Variants in RAP1GAP2 observed in about 807,000 individuals in gnomAD.
RAP1GAP2 encodes the protein RAP1 GTPase activating protein 2, also known as rap1 GTPase-activating protein 2.
Under a neutral mutation model 95.0 loss-of-function variants are expected in RAP1GAP2, and 27 were observed. The ratio of observed to expected loss-of-function variants is 0.28; its 90% confidence interval spans 0.21 to 0.39. The LOEUF is 0.39. Ranked by LOEUF, RAP1GAP2 falls within the 10% of genes least tolerant of loss-of-function variation. The probability of loss-of-function intolerance (pLI) is 1.00; values close to 1 mark genes in which losing one functional copy is unlikely to be tolerated. For synonymous variants in RAP1GAP2, 373 were observed against 380.9 expected (o/e 0.98, Z 0.24); for missense variants, 771 against 970.0 (o/e 0.79, Z 2.72).
chr17:2,827,087 TG>T lies in RAP1GAP2; in HGVS notation c.80+26542del, dbSNP rs1355831530. On this transcript the variant is annotated intron_variant, in intron 2 of 24. Transcript: ENST00000254695. This position sits in a 1 kb window ranked among gnomAD's most constrained non-coding sequence, Gnocchi z 4.1. ...CCCATGGAAATGGGGGTTTCACATTTGGGGGATTTGCAAAGTAGTCACGTGG... is the reference window on the plus strand; with the variant it reads ...CCCATGGAAATGGGGGTTTCACATTTGGGGATTTGCAAAGTAGTCACGTGG... Among the ~76,000 whole-genome samples the T allele has an allele frequency of 3.9e-5, 6 of 152,006 alleles. No homozygotes were observed. Among genetic ancestry groups the T allele is most frequent in the Admixed American group, 3.9e-4 (6 of 15,252 alleles).
intron 22 of RAP1GAP2, among the ~76,000 whole-genome samples, chr17:3,028,315 C>T (rs2047191092): frequency 6.6e-6 from 1 of 151,892 alleles, no homozygotes; most frequent in South Asian, 2.1e-4. Context: ...CCATGGATGT[C>T]TGGCAATGTC....
Position 2,953,437 on chromosome 17 carries a change from G to A in RAP1GAP2, c.166-4322G>A, listed in dbSNP as rs111432851. ...TCCACCCCTCAACTTAATATATCTT[G>A]GAGAGTGTCATATGTAAGCAACATG... On this transcript the variant is annotated intron_variant, in intron 3 of 24. Transcript: ENST00000254695. Among the ~76,000 whole-genome samples the A allele has an allele frequency of 1.3e-3, 203 of 152,260 alleles. 2 individuals are homozygous for A. Among genetic ancestry groups the A allele is most frequent in the African/African-American group, 4.7e-3 (196 of 41,528 alleles).
chr17:3,015,771 C>T (rs950535343), intron 17 of RAP1GAP2, among the ~76,000 whole-genome samples: 9 of 151,852 alleles, frequency 5.9e-5, no homozygotes, highest in Non-Finnish European at 1.0e-4. Flanking sequence ...GAGCTGAGAT[C>T]GTGCCACACG....
At chr17:2,884,765 C>G (rs1469022487) in intron 2 of RAP1GAP2, among the ~76,000 whole-genome samples, 1 of 152,212 alleles carries the variant, frequency 6.6e-6, no homozygotes, top group Non-Finnish European at 1.5e-5. Flanking sequence ...TCAGCCGACT[C>G]ATCTATATAT....
At chr17:2,830,843 G>A (rs4790097) in intron 2 of RAP1GAP2, among the ~76,000 whole-genome samples, 121,000 of 151,352 alleles carry the variant, frequency 0.8, 48,749 homozygotes, top group African/African-American at 0.88. Context: ...ACTCCAATCC[G>A]CCCTGTCCCT....
chr17:3,014,134 CG>C (rs1177403187), intron 17 of RAP1GAP2, among the ~76,000 whole-genome samples: 1,708 of 23,924 alleles, frequency 0.071, 30 homozygotes, highest in African/African-American at 0.2. Context: ...GGCTATAGAG[CG>C]TGTGGCTGCC....
At chr17:2,756,835 G>A (rs1251162812) in intron 1 of RAP1GAP2, among the ~76,000 whole-genome samples, 2 of 152,166 alleles carry the variant, frequency 1.3e-5, no homozygotes, top group Non-Finnish European at 2.9e-5. Context: ...TGAGGAAGCC[G>A]AGGGTCAGAG....
intron 17 of RAP1GAP2, among the ~76,000 whole-genome samples, chr17:3,010,297 G>A (rs1468817416): frequency 6.2e-5 from 8 of 128,772 alleles, no homozygotes; most frequent in Admixed American, 1.9e-4. Flanking sequence ...CCGAGATCAC[G>A]CCACTGCACT....
chr17:2,975,312 C>T (rs965216128), intron 8 of RAP1GAP2, among the ~76,000 whole-genome samples: 1 of 152,034 alleles, frequency 6.6e-6, no homozygotes, highest in African/African-American at 2.4e-5. Context: ...TAGCCTATTA[C>T]AATACCAGCC....
At chr17:2,868,256 C>T (rs1289372614) in intron 2 of RAP1GAP2, among the ~76,000 whole-genome samples, 1 of 152,180 alleles carries the variant, frequency 6.6e-6, no homozygotes, top group East Asian at 1.9e-4. Context: ...TCTCTGCTAT[C>T]CATCCCCCTG....
intron 23 of RAP1GAP2, 22 bp from the exon 24 acceptor site, chr17:3,032,389 G>A (rs2047352269): frequency 6.2e-7 from 1 of 1,613,782 alleles, no homozygotes; most frequent in Non-Finnish European, 8.5e-7. Flanking sequence ...TTAAACTCCT[G>A]TATGGATTTT....
intron 2 of RAP1GAP2, among the ~76,000 whole-genome samples, chr17:2,891,959 G>T (rs1232787593): frequency 6.6e-6 from 1 of 151,252 alleles, no homozygotes; most frequent in Non-Finnish European, 1.5e-5. Context: ...AAGTAGCTGG[G>T]ACTACAGTCA....
chr17:2,821,541 A>T (rs944083519), intron 2 of RAP1GAP2, among the ~76,000 whole-genome samples: 1 of 145,540 alleles, frequency 6.9e-6, no homozygotes, highest in African/African-American at 2.5e-5. Flanking sequence ...TGCCTGGCTA[A>T]TTTTTTTTTT....
chr17:2,759,740 C>A (rs369702507), intron 1 of RAP1GAP2, among the ~76,000 whole-genome samples: 4 of 152,068 alleles, frequency 2.6e-5, no homozygotes, highest in African/African-American at 9.7e-5. Context: ...CATGAGCCAC[C>A]GCGCCCGGCC....
At chr17:2,760,904 G>A (rs1425248712) in intron 1 of RAP1GAP2, among the ~76,000 whole-genome samples, 1 of 152,026 alleles carries the variant, frequency 6.6e-6, no homozygotes, top group Non-Finnish European at 1.5e-5. Context: ...GGTATTATGA[G>A]TTTTGGGGAG....
chr17:2,979,982 C>G lies in RAP1GAP2; in HGVS notation c.597-305C>G, dbSNP rs190164506. Reference sequence around the variant, plus strand: ...TGAGGTGGAGTCTCACTCTTGTTGCCCAGGCTGGAGTGCAGTGGTACAATC... The same window carrying G: ...TGAGGTGGAGTCTCACTCTTGTTGCGCAGGCTGGAGTGCAGTGGTACAATC... On this transcript the variant is annotated intron_variant, in intron 8 of 24. Coordinates refer to ENST00000254695, the MANE Select transcript of RAP1GAP2 (RefSeq NM_015085.5). Among the ~76,000 whole-genome samples, 1,004 of 151,836 alleles carry G rather than the reference C, an allele frequency of 6.6e-3. 8 individuals are homozygous for G. The highest frequency in any genetic ancestry group is 0.022 in the African/African-American group (901 of 41,398).
At chr17:2,789,430 T>C (rs1432941689) in intron 1 of RAP1GAP2, among the ~76,000 whole-genome samples, 1 of 152,068 alleles carries the variant, frequency 6.6e-6, no homozygotes, top group African/African-American at 2.4e-5. Context: ...GTAAACTTCG[T>C]AGCTTCTTTA....
chr17:2,813,609 G>A (rs975108704), intron 2 of RAP1GAP2, among the ~76,000 whole-genome samples: 5 of 152,106 alleles, frequency 3.3e-5, no homozygotes, highest in South Asian at 2.1e-4. Context: ...AGGGTGTTGC[G>A]CAGCCTCTCT....
rs141060045 is a variant in RAP1GAP2, at chr17:2,871,967, G to T, written c.81-33317G>T. 0.017 allele frequency among the ~76,000 whole-genome samples: 2,571 copies of T among 152,088 alleles called. 78 individuals carry two copies. The highest frequency in any genetic ancestry group is 0.058 in the African/African-American group (2,387 of 41,502). ...GGCCAGGCGTGGTGGCTCACGCCTGGAATCTCAGCGCTTTTGGAGGCTGAG... is the reference window on the plus strand; with the variant it reads ...GGCCAGGCGTGGTGGCTCACGCCTGTAATCTCAGCGCTTTTGGAGGCTGAG... On this transcript the variant is annotated intron_variant, in intron 2 of 24. Coordinates refer to ENST00000254695, the MANE Select transcript of RAP1GAP2 (RefSeq NM_015085.5). This position sits in a 1 kb window ranked among gnomAD's most constrained non-coding sequence, Gnocchi z 5.0.
Sources: gnomAD v4.1 joint callset for allele counts (sites outside exome capture counted in the v4.1 genomes callset) on GRCh38, gnomAD v4.1.1 for gene constraint, Gnocchi (gnomAD v3.1) non-coding constraint, MANE v1.5 for transcripts, NCBI Gene and HGNC (gene_info 2026-07-23, HGNC 2026-07-21) for gene names.